Variants in CHRNE observed in about 807,000 individuals in gnomAD.
CHRNE encodes acetylcholine receptor subunit epsilon.
In CHRNE, 58 loss-of-function variants were observed where a neutral mutation model predicts 56.5. The ratio of observed to expected loss-of-function variants is 1.03; its 90% confidence interval spans 0.83 to 1.28. The LOEUF (loss-of-function observed/expected upper bound fraction) is 1.28, where lower values mean the gene tolerates loss of function less well. Among genes scored for constraint, CHRNE ranks in the 50% most tolerant of loss-of-function variants. The pLI is 0.00. For missense variants in CHRNE, 793 were observed against 688.9 expected, an observed-to-expected ratio of 1.15 and a Z score of -1.69; for synonymous variants, 385 against 297.9, an observed-to-expected ratio of 1.29 and a Z score of -3.01.
rs1244289749 is a variant in CHRNE at position 4,900,777 on chromosome 17, G to GC, written c.917+15_917+16insG. Reference sequence around the variant, plus strand: ...CCTTCACACTGGCCACACCCCCGCGGGGGCTCCGGCTTCACCTGCCCAGGA... The same window carrying GC: ...CCTTCACACTGGCCACACCCCCGCGGCGGGCTCCGGCTTCACCTGCCCAGGA... On this transcript the variant is annotated intron_variant, in intron 8 of 11. Transcript: ENST00000649488. 1.9e-6 allele frequency: 3 copies of GC among 1,609,514 alleles called. No individual in the cohort carries two copies. The highest frequency in any genetic ancestry group is 2.5e-6 in the Non-Finnish European group (3 of 1,177,560).
At chr17:4,901,747 C>A in intron 5 of CHRNE, 122 bp from the exon 6 acceptor site, 1 of 1,249,786 alleles carries the variant, frequency 8.0e-7, no homozygotes, top group South Asian at 1.2e-5. Context: ...TCACCCAAGC[C>A]CAGCCCGCAC....
upstream of CHRNE, among the ~76,000 whole-genome samples, chr17:4,906,535 T>C (rs1167771936): frequency 6.6e-6 from 1 of 152,150 alleles, no homozygotes; most frequent in Non-Finnish European, 1.5e-5. Flanking sequence ...AAGATTTGAA[T>C]AGACGCTTCT....
In CHRNE at chr17:4,898,466, T is replaced by TGGGAGGTCAGCAAGGCTGAATGAA. The variant is rs1969801893; in HGVS notation, c.*246_*269dup. 3.7e-6 allele frequency: 2 copies of TGGGAGGTCAGCAAGGCTGAATGAA among 534,752 alleles called. No homozygotes were observed. Among genetic ancestry groups the TGGGAGGTCAGCAAGGCTGAATGAA allele is most frequent in the Non-Finnish European group, 6.8e-6 (2 of 295,740 alleles). 33.1% of individuals were successfully genotyped at this position (534,752 alleles called of 1,614,324 possible). ...CCGTGGGGCTGAGCCTTAGAAAGGC[T>TGGGAGGTCAGCAAGGCTGAATGAA]GGGAGGTCAGCAAGGCTGAATGAAG... On this transcript the variant is annotated 3_prime_UTR_variant, in exon 12 of 12. Transcript: ENST00000649488.
At chr17:4,901,887 C>CCT in intron 5 of CHRNE, 45 bp downstream of exon 5, 3 of 1,593,442 alleles carry the variant, frequency 1.9e-6, no homozygotes, top group Non-Finnish European at 1.7e-6. Flanking sequence ...CCATAAGGCC[C>CCT]CCCCCCAACA....
chr17:4,902,472 G>A lies in CHRNE; in HGVS notation c.212C>T (p.Thr71Ile). ...CACGATTCCAATCCAGACGCTAGTG[G>A]TGAGAGTCTCCTCTTTTTCATTCTG... ...ISLNEKEETL[T>I]TSVWIGIDWQ... is the part of the protein sequence containing the mutation. Residue 71 changes from threonine (T) to isoleucine (I), a missense_variant, in exon 3 of 12, where the codon ACC becomes ATC. Thr to Ile is a moderately conservative substitution (Grantham distance 89). Coordinates refer to ENST00000649488, the MANE Select transcript of CHRNE (RefSeq NM_000080.4). The surrounding 1 kb of genome is among the most constrained non-coding windows in gnomAD (Gnocchi z 4.0). 10 of 1,614,186 alleles carry A rather than the reference G, an allele frequency of 6.2e-6. No homozygotes were observed. Among genetic ancestry groups the A allele is most frequent in the Non-Finnish European group, 8.5e-6 (10 of 1,180,028 alleles).
At position 4,898,906 on chromosome 17, in the gene CHRNE, GCA is replaced by G. The variant is rs774197166; in HGVS notation, c.1327-17_1327-16del. 39 of 1,572,006 alleles carry G rather than the reference GCA, an allele frequency of 2.5e-5. No homozygotes were observed. The highest frequency in any genetic ancestry group is 3.3e-5 in the Non-Finnish European group (38 of 1,159,142). ...TCGGACACTTCCTGGGGAAGGGTCG[GCA>G]CAGTCAGTAAAGAGGCAGCTGCAGG... is the stretch of plus-strand genomic sequence containing the variant. On this transcript the variant is annotated splice_polypyrimidine_tract_variant and intron_variant, in intron 11 of 11. Transcript: ENST00000649488.
intron 8 of CHRNE, chr17:4,900,184 T>G: frequency 1.9e-6 from 3 of 1,544,172 alleles, no homozygotes; most frequent in Admixed American, 4.0e-5. Flanking sequence ...GGCGATCGGG[T>G]AGCGGGAACA....
Position 4,901,628 on chromosome 17 carries a change from G to A in CHRNE, c.501-3C>T, listed in dbSNP as rs772091251. The A allele has an allele frequency of 6.8e-6, 11 of 1,613,660 alleles. No individual in the cohort carries two copies. In the Admixed American group the frequency reaches 1.0e-4, roughly 15 times the overall value. ...CTTCGGCATTGTACGTCTGAGAGCT[G>A]CGGAGCCAGGGCCGGGAGCCCACCC... On this transcript the variant is annotated splice_polypyrimidine_tract_variant and splice_region_variant and intron_variant, in intron 5 of 11. Coordinates refer to ENST00000649488, the MANE Select transcript of CHRNE (RefSeq NM_000080.4).
rs548395785 is a variant in CHRNE at position 4,898,530 on chromosome 17, C to T, written c.*206G>A. On this transcript the variant is annotated 3_prime_UTR_variant, in exon 12 of 12. Transcript: ENST00000649488. Reference sequence around the variant, plus strand: ...TTCTGGAAGACTGGCACCTGAGAGCCTATGTGAACCCTTTCCTCCTGCTGA... The same window carrying T: ...TTCTGGAAGACTGGCACCTGAGAGCTTATGTGAACCCTTTCCTCCTGCTGA... 174 of 645,394 alleles carry T rather than the reference C, an allele frequency of 2.7e-4. No homozygotes were observed. The highest frequency in any genetic ancestry group is 9.7e-4 in the Admixed American group (37 of 38,268). 40.0% of individuals were successfully genotyped at this position (645,394 alleles called of 1,614,324 possible). A position where few individuals can be genotyped will look rare whatever the true frequency, so the allele number is the denominator to read the frequency against.
chr17:4,907,031 G>GGTTA (rs1970099570), upstream of CHRNE, among the ~76,000 whole-genome samples: 1 of 152,094 alleles, frequency 6.6e-6, no homozygotes, highest in Admixed American at 6.6e-5. Context: ...GTAGAAGGAT[G>GGTTA]GTTACCAGAG....
rs532669011 is a variant in CHRNE, at chr17:4,899,531, G to A, written c.969C>T (p.Val323=). ...TCCGCTGGGACACGTTGAGCACGAT[G>A]ACGCAATTCATGACAATGAGCGTGG... ...VVATLIVMNC[V]IVLNVSQRTP... Residue 323 remains valine (V), a synonymous_variant, in exon 9 of 12, where the codon GTC becomes GTT. Coordinates refer to ENST00000649488, the MANE Select transcript of CHRNE (RefSeq NM_000080.4). 3.1e-6 allele frequency: 5 copies of A among 1,604,494 alleles called. No homozygotes were observed. The highest frequency in any genetic ancestry group is 2.3e-5 in the South Asian group (2 of 88,794).
In CHRNE at chr17:4,901,541, G is replaced by T; in HGVS notation, c.585C>A (p.Asp195Glu). ...GGGCTTCACCAGTATAGGCCTCTGT[G>T]TCGATGTCGATCTTGTTGATGGTCT... ...DGKTINKIDI[D>E]TEAYTENGEW... The change falls in exon 6 of 12, where the codon GAC becomes GAA. Residue 195 changes from aspartate (D) to glutamate (E), a missense_variant. Asp to Glu is a conservative substitution (Grantham distance 45, BLOSUM62 2). Coordinates refer to ENST00000649488, the MANE Select transcript of CHRNE (RefSeq NM_000080.4). The T allele has an allele frequency of 6.2e-7, 1 of 1,614,172 alleles. No homozygotes were observed.
At chr17:4,900,522 G>A (rs1490577163) in intron 8 of CHRNE, 10 of 1,550,828 alleles carry the variant, frequency 6.4e-6, no homozygotes, top group Middle Eastern at 1.7e-4. Context: ...CTCAGGACAC[G>A]GGGTGAGTTA....
At position 4,900,238 on chromosome 17, in the gene CHRNE, T is replaced by A. The variant is rs1969933924; in HGVS notation, c.917+555A>T. ...CTAACCCCTGTGCCCCCAATGCAGA[T>A]CTCAGCCCTGTGGCTGCAGCAGGAG... On this transcript the variant is annotated intron_variant, in intron 8 of 11. Transcript: ENST00000649488. 8 of 1,547,546 alleles carry A rather than the reference T, an allele frequency of 5.2e-6. No individual in the cohort carries two copies. The African/African-American group carries it at 8.2e-5, about 16-fold the overall frequency.
At chr17:4,899,630 C>A (rs1404591514) in intron 8 of CHRNE, 48 bp from the exon 9 acceptor site, 2 of 1,486,942 alleles carry the variant, frequency 1.3e-6, no homozygotes, top group Non-Finnish European at 1.8e-6. Flanking sequence ...TCCCAGCTAC[C>A]GAAGGCGCCG....
chr17:4,900,213 C>CTA, intron 8 of CHRNE: 1 of 1,544,898 alleles, frequency 6.5e-7, no homozygotes, highest in Non-Finnish European at 8.7e-7. Flanking sequence ...TGCCTCCCCG[C>CTA]TAACCCCTGT....
rs1376991526 is a variant in CHRNE at position 4,901,510 on chromosome 17, A to T, written c.601+15T>A. The T allele has an allele frequency of 6.2e-7, 1 of 1,612,852 alleles. No homozygotes were observed. The highest frequency in any genetic ancestry group is 1.3e-5 in the African/African-American group (1 of 74,904). ...CGTCTAGAAGCGGGTTTTTCTGAGCAGGCAGGGGCTTCACCAGTATAGGCC... is the reference window on the plus strand; with the variant it reads ...CGTCTAGAAGCGGGTTTTTCTGAGCTGGCAGGGGCTTCACCAGTATAGGCC... On this transcript the variant is annotated intron_variant, in intron 6 of 11. Coordinates refer to ENST00000649488, the MANE Select transcript of CHRNE (RefSeq NM_000080.4).
rs1413407116 is a variant in CHRNE at position 4,902,454 on chromosome 17, C to G, written c.230G>C (p.Gly77Ala). 6.2e-7 allele frequency: 1 copy of G among 1,614,194 alleles called. No individual in the cohort carries two copies. ...CATTCCCCAGATTTGACTCACGATTCCAATCCAGACGCTAGTGGTGAGAGT... is the reference window on the plus strand; with the variant it reads ...CATTCCCCAGATTTGACTCACGATTGCAATCCAGACGCTAGTGGTGAGAGT... ...EETLTTSVWI[G>A]IDWQDYRLNY... Residue 77 changes from glycine (G) to alanine (A), a missense_variant, in exon 3 of 12, where the codon GGA becomes GCA. Physicochemically the swap from Gly to Ala is moderately conservative, Grantham distance 60. Transcript: ENST00000649488. This position sits in a 1 kb window ranked among gnomAD's most constrained non-coding sequence, Gnocchi z 4.0.
At position 4,902,147 on chromosome 17, in the gene CHRNE, T is replaced by C; in HGVS notation, c.345-60A>G. ...GTCTGCACCCTCTCAGAGTACCCCC[T>C]TCCCCAACCAAGTCCAGCCCGCACC... is the stretch of plus-strand genomic sequence containing the variant. On this transcript the variant is annotated intron_variant, in intron 4 of 11. Transcript: ENST00000649488. This position sits in a 1 kb window ranked among gnomAD's most constrained non-coding sequence, Gnocchi z 4.0. 6.2e-7 allele frequency: 1 copy of C among 1,612,576 alleles called. No individual in the cohort carries two copies. Among genetic ancestry groups the C allele is most frequent in the Non-Finnish European group, 8.5e-7 (1 of 1,179,254 alleles).
Sources: allele counts gnomAD v4.1 joint callset (sites outside exome capture counted in the v4.1 genomes callset), GRCh38; gene constraint gnomAD v4.1.1; non-coding constraint Gnocchi (gnomAD v3.1); transcripts MANE v1.5; gene names NCBI Gene and HGNC (gene_info 2026-07-23, HGNC 2026-07-21).